PCDH9: variants seen among roughly 807,000 people sequenced by gnomAD.
PCDH9 encodes protocadherin-9.
A neutral mutation model predicts 70.6 loss-of-function variants in PCDH9; 24 were observed. That is an observed-to-expected ratio of 0.34 (90% CI 0.25 to 0.48). PCDH9 has a LOEUF of 0.48. Among genes scored for constraint, PCDH9 ranks in the 20% least tolerant of loss-of-function variants. PCDH9 has a pLI of 0.99. For synonymous variants in PCDH9, 562 were observed against 558.5 expected (o/e 1.01, Z -0.09); for missense variants, 1,281 against 1,503.6 (o/e 0.85, Z 2.45).
chr13:66,392,588 C>G (rs1018062311), intron 4 of PCDH9, among the ~76,000 whole-genome samples: 1 of 152,138 alleles, frequency 6.6e-6, no homozygotes, highest in Non-Finnish European at 1.5e-5. Flanking sequence ...GCCACAGGAA[C>G]TGTAAACTCT....
At chr13:66,506,516 T>C (rs1959216967) in intron 4 of PCDH9, among the ~76,000 whole-genome samples, 2 of 152,170 alleles carry the variant, frequency 1.3e-5, no homozygotes, top group South Asian at 4.1e-4. Context: ...GCATCATTAA[T>C]AGAAAAGATT....
At chr13:67,068,533 G>A (rs533252080) in intron 2 of PCDH9, among the ~76,000 whole-genome samples, 10 of 152,034 alleles carry the variant, frequency 6.6e-5, no homozygotes, top group Non-Finnish European at 1.3e-4. Context: ...GTGAATATTG[G>A]TATCTACATT....
intron 2 of PCDH9, among the ~76,000 whole-genome samples, chr13:66,911,166 T>A (rs2082458684): frequency 6.6e-6 from 1 of 152,058 alleles, no homozygotes; most frequent in South Asian, 2.1e-4. Context: ...AATAGAACTC[T>A]ATGTCAAACT....
At chr13:66,502,447 A>G (rs1280165024) in intron 4 of PCDH9, among the ~76,000 whole-genome samples, 1 of 152,086 alleles carries the variant, frequency 6.6e-6, no homozygotes, top group Non-Finnish European at 1.5e-5. Flanking sequence ...AGTTCATTTT[A>G]TTAGATTTAA....
chr13:66,802,797 A>G (rs2080347966), intron 3 of PCDH9, among the ~76,000 whole-genome samples: 1 of 152,108 alleles, frequency 6.6e-6, no homozygotes, highest in Non-Finnish European at 1.5e-5. Flanking sequence ...TCTTTATTTT[A>G]TTATTTTCCC....
chr13:66,488,962 A>G (rs1321002640), intron 4 of PCDH9, among the ~76,000 whole-genome samples: 2 of 152,188 alleles, frequency 1.3e-5, no homozygotes, highest in African/African-American at 4.8e-5. Context: ...TATATAAAAT[A>G]TAAAATAAAT....
chr13:66,629,997 T>A (rs1009427018), intron 4 of PCDH9, among the ~76,000 whole-genome samples: 3 of 152,136 alleles, frequency 2.0e-5, no homozygotes, highest in African/African-American at 7.2e-5. Context: ...TATTCCTACT[T>A]CCACCATAGA....
chr13:66,817,711 C>T lies in PCDH9; in HGVS notation c.3138+85793G>A, dbSNP rs1256364690. 2.6e-5 allele frequency among the ~76,000 whole-genome samples: 4 copies of T among 152,006 alleles called. No individual in the cohort carries two copies. In the South Asian group the frequency reaches 8.3e-4, roughly 32 times the overall value. On this transcript the variant is annotated intron_variant, in intron 3 of 4. Transcript: ENST00000377865. Reference sequence around the variant, plus strand: ...GTGGCTTGATGTCAGCTCACTGCAACCTCGACCTCCTGGGCTCAAGCAATC... The same window carrying T: ...GTGGCTTGATGTCAGCTCACTGCAATCTCGACCTCCTGGGCTCAAGCAATC...
At chr13:66,880,424 T>C (rs932261522) in intron 3 of PCDH9, among the ~76,000 whole-genome samples, 14 of 152,192 alleles carry the variant, frequency 9.2e-5, no homozygotes, top group African/African-American at 3.1e-4. Context: ...AATGGGATGG[T>C]CTATTCTTAG....
intron 2 of PCDH9, among the ~76,000 whole-genome samples, chr13:67,111,876 T>G (rs946798682): frequency 6.6e-6 from 1 of 152,210 alleles, no homozygotes. Flanking sequence ...AGTTATTAAT[T>G]TCATATAATT....
At chr13:66,554,036 T>A (rs1456367935) in intron 4 of PCDH9, among the ~76,000 whole-genome samples, 1 of 152,146 alleles carries the variant, frequency 6.6e-6, no homozygotes, top group Admixed American at 6.5e-5. Context: ...CAGAGATGCA[T>A]AAATGATGTC....
chr13:67,099,878 C>T (rs888150084), intron 2 of PCDH9, among the ~76,000 whole-genome samples: 4 of 152,162 alleles, frequency 2.6e-5, no homozygotes, highest in African/African-American at 9.7e-5. Context: ...CTATTGCCTG[C>T]ACTTACCCTC....
intron 2 of PCDH9, among the ~76,000 whole-genome samples, chr13:67,034,214 A>G (rs948635294): frequency 6.6e-6 from 1 of 151,960 alleles, no homozygotes; most frequent in African/African-American, 2.4e-5. Context: ...CGAACTTCTG[A>G]CCTTGTTATC....
At chr13:66,990,379 T>C (rs910335569) in intron 2 of PCDH9, among the ~76,000 whole-genome samples, 3 of 151,708 alleles carry the variant, frequency 2.0e-5, no homozygotes, top group Non-Finnish European at 4.4e-5. Flanking sequence ...CAAAAGAATA[T>C]AACATTTTTC....
chr13:66,869,599 T>C (rs1279421658), intron 3 of PCDH9, among the ~76,000 whole-genome samples: 4 of 152,178 alleles, frequency 2.6e-5, no homozygotes, highest in Non-Finnish European at 5.9e-5. Flanking sequence ...TTTTGAACAA[T>C]GATAATATTG....
intron 2 of PCDH9, among the ~76,000 whole-genome samples, chr13:66,949,657 G>A (rs767523801): frequency 6.6e-6 from 1 of 151,748 alleles, no homozygotes; most frequent in Admixed American, 6.6e-5. Context: ...AAATACTCCT[G>A]GGAGATGCAC....
chr13:66,434,596 T>C (rs1425017892), intron 4 of PCDH9, among the ~76,000 whole-genome samples: 4 of 152,116 alleles, frequency 2.6e-5, no homozygotes, highest in South Asian at 4.1e-4. Flanking sequence ...TGAGTAAAGC[T>C]AAGGAAATGG....
chr13:66,630,181 A>C (rs563137225), intron 4 of PCDH9, among the ~76,000 whole-genome samples: 1 of 152,260 alleles, frequency 6.6e-6, no homozygotes, highest in South Asian at 2.1e-4. Flanking sequence ...CTTAGTTTAG[A>C]TGCATTATTA....
At chr13:66,831,592 G>C (rs970189588) in intron 3 of PCDH9, among the ~76,000 whole-genome samples, 6 of 152,140 alleles carry the variant, frequency 3.9e-5, no homozygotes, top group African/African-American at 1.4e-4. Flanking sequence ...TTAAAAAGCA[G>C]AACAGCCTAA....
Sources: allele counts gnomAD v4.1 joint callset (sites outside exome capture counted in the v4.1 genomes callset), GRCh38; gene constraint gnomAD v4.1.1; transcripts MANE v1.5; gene names NCBI Gene and HGNC (gene_info 2026-07-23, HGNC 2026-07-21).